The following GRID2 variants were observed in gnomAD, a reference collection of about 807,000 sequenced individuals.
GRID2 encodes the protein glutamate ionotropic receptor delta type subunit 2, also known as glutamate receptor ionotropic, delta-2.
A neutral mutation model predicts 114.8 loss-of-function variants in GRID2; 33 were observed. The observed-to-expected ratio is 0.29, with a 90% CI of 0.22 to 0.38. GRID2 has a LOEUF of 0.38. Ranked by LOEUF, GRID2 falls within the 10% of genes least tolerant of loss-of-function variation. The pLI is 1.00. For missense variants in GRID2, 1,184 were observed against 1,257.7 expected (o/e 0.94, Z 0.89); for synonymous variants, 505 against 449.9 (o/e 1.12, Z -1.55).
In GRID2 at chr4:93,311,085, CA is replaced by C. The variant is rs528842395; in HGVS notation, c.1245+72597del. ...ATAAAGATCTGGAGATGGTTCTGTT[CA>C]AGATTGCCAAGGGATGGAACTGAAT... On this transcript the variant is annotated intron_variant, in intron 8 of 15. Coordinates refer to ENST00000282020, the MANE Select transcript of GRID2 (RefSeq NM_001510.4). Among the ~76,000 whole-genome samples, 136 of 152,210 alleles carry C rather than the reference CA, an allele frequency of 8.9e-4. 3 individuals carry two copies. The highest frequency in any genetic ancestry group is 7.7e-4 in the East Asian group (4 of 5,172).
intron 2 of GRID2, among the ~76,000 whole-genome samples, chr4:92,606,552 A>G (rs545196491): frequency 5.9e-5 from 9 of 152,052 alleles, no homozygotes; most frequent in African/African-American, 2.2e-4. Flanking sequence ...AAATTGATGT[A>G]TCTCTTGATG....
At chr4:93,028,634 C>T (rs1724107321) in intron 2 of GRID2, among the ~76,000 whole-genome samples, 1 of 151,728 alleles carries the variant, frequency 6.6e-6, no homozygotes, top group Non-Finnish European at 1.5e-5. Flanking sequence ...TACAATTTTT[C>T]CATTAGATCA....
intron 2 of GRID2, among the ~76,000 whole-genome samples, chr4:93,000,319 A>T (rs1176392182): frequency 1.3e-5 from 2 of 151,678 alleles, no homozygotes; most frequent in African/African-American, 2.4e-5. Flanking sequence ...ATTTAAAATA[A>T]TCTGACATCA....
At chr4:93,188,957 T>A (rs1740705959) in intron 4 of GRID2, among the ~76,000 whole-genome samples, 1 of 152,170 alleles carries the variant, frequency 6.6e-6, no homozygotes, top group African/African-American at 2.4e-5. Context: ...ATCAATATTC[T>A]GATCACAACC....
intron 14 of GRID2, among the ~76,000 whole-genome samples, chr4:93,706,148 A>G (rs1319979404): frequency 6.6e-6 from 1 of 152,076 alleles, no homozygotes; most frequent in East Asian, 1.9e-4. Context: ...GCACCAGATG[A>G]CTTTAGCTAT....
At chr4:92,759,347 C>A (rs1487619050) in intron 2 of GRID2, among the ~76,000 whole-genome samples, 4 of 151,984 alleles carry the variant, frequency 2.6e-5, no homozygotes, top group Non-Finnish European at 5.9e-5. Context: ...TTGCTTGGGT[C>A]CTATTTTATA....
intron 2 of GRID2, among the ~76,000 whole-genome samples, chr4:92,665,480 T>C (rs1732726368): frequency 6.6e-6 from 1 of 151,270 alleles, no homozygotes; most frequent in Non-Finnish European, 1.5e-5. Flanking sequence ...GTTACAATAA[T>C]GCTAACATTA....
At chr4:93,758,804 A>G (rs376834230) in intron 14 of GRID2, among the ~76,000 whole-genome samples, 2 of 152,224 alleles carry the variant, frequency 1.3e-5, no homozygotes, top group South Asian at 2.1e-4. Context: ...AGTTTTGCAT[A>G]AGAAAAATGA....
At chr4:93,516,552 C>T (rs1192108522) in intron 13 of GRID2, among the ~76,000 whole-genome samples, 1 of 152,118 alleles carries the variant, frequency 6.6e-6, no homozygotes, top group African/African-American at 2.4e-5. Flanking sequence ...TATTATACCC[C>T]ATTTTCTGGG....
chr4:93,796,390 A>T lies in GRID2; in HGVS notation c.222-10325A>T, dbSNP rs560487069. 2.4e-4 allele frequency among the ~76,000 whole-genome samples: 36 copies of T among 152,266 alleles called. No homozygotes were observed. The South Asian group carries it at 7.0e-3, about 30-fold the overall frequency. ...TGCCTACCACAGAAGCTAATTCCAG[A>T]TAGTGAAATGGTTGCAAAGGAAATG... On this transcript the variant is annotated intron_variant, in intron 1 of 1. Coordinates refer to the GRID2 transcript ENST00000637838.
chr4:92,485,301 CATATATATATATATATAT>C lies in GRID2; in HGVS notation c.89-104800_89-104783del, dbSNP rs34583484. 2.9e-3 allele frequency among the ~76,000 whole-genome samples: 162 copies of C among 56,568 alleles called. 1 individual carries two copies. The highest frequency in any genetic ancestry group is 8.2e-3 in the African/African-American group (92 of 11,234). The allele number at this position is 56,568 out of a possible 152,430, so 37.1% of individuals were successfully genotyped here. Reference sequence around the variant, plus strand: ...TTATATATAATAAATAAGGTGTGTGCATATATATATATATATATATATATATATATATATATATATATA... The same window carrying C: ...TTATATATAATAAATAAGGTGTGTGCATATATATATATATATATATATATA... On this transcript the variant is annotated intron_variant, in intron 1 of 15. Coordinates refer to ENST00000282020, the MANE Select transcript of GRID2 (RefSeq NM_001510.4).
intron 2 of GRID2, among the ~76,000 whole-genome samples, chr4:92,704,362 C>G (rs765952337): frequency 6.6e-6 from 1 of 152,130 alleles, no homozygotes; most frequent in Non-Finnish European, 1.5e-5. Context: ...AGATTTAATT[C>G]ATTACTTCCC....
At chr4:92,398,133 T>C (rs1450075288) in intron 1 of GRID2, among the ~76,000 whole-genome samples, 2 of 152,202 alleles carry the variant, frequency 1.3e-5, no homozygotes, top group African/African-American at 4.8e-5. Context: ...AAATGTTAAA[T>C]ACATTGTGGC....
At chr4:93,650,053 G>A (rs1000568040) in intron 14 of GRID2, among the ~76,000 whole-genome samples, 1 of 151,982 alleles carries the variant, frequency 6.6e-6, no homozygotes, top group Admixed American at 6.6e-5. Context: ...GGTACTCTTG[G>A]TGCCTGCTTC....
At chr4:92,517,228 T>G (rs1724543254) in intron 1 of GRID2, among the ~76,000 whole-genome samples, 1 of 144,792 alleles carries the variant, frequency 6.9e-6, no homozygotes, top group African/African-American at 2.4e-5. Flanking sequence ...TAGCAAATAG[T>G]CCCAAAGGTA....
At position 92,430,779 on chromosome 4, in the gene GRID2, G is replaced by T. The variant is rs1206994236; in HGVS notation, c.88+126035G>T. Reference sequence around the variant, plus strand: ...TTTTTTGTGTCTTCTTCAGTTACTTGCATCAATGTTTTACAGTTTTCCTTG... The same window carrying T: ...TTTTTTGTGTCTTCTTCAGTTACTTTCATCAATGTTTTACAGTTTTCCTTG... On this transcript the variant is annotated intron_variant, in intron 1 of 15. Coordinates refer to ENST00000282020, the MANE Select transcript of GRID2 (RefSeq NM_001510.4). 2.0e-5 allele frequency among the ~76,000 whole-genome samples: 3 copies of T among 151,860 alleles called. No individual in the cohort carries two copies. The East Asian group carries it at 5.8e-4, about 29-fold the overall frequency.
At chr4:93,541,704 G>C (rs761518058) in intron 13 of GRID2, among the ~76,000 whole-genome samples, 1 of 152,128 alleles carries the variant, frequency 6.6e-6, no homozygotes, top group Middle Eastern at 3.2e-3. Flanking sequence ...TATGCAGTAC[G>C]GTTTGGGAGT....
At chr4:93,787,199 A>T (rs1349666065) in intron 1 of GRID2, among the ~76,000 whole-genome samples, 1 of 152,064 alleles carries the variant, frequency 6.6e-6, no homozygotes, top group Non-Finnish European at 1.5e-5. Flanking sequence ...AGTAGTGCAC[A>T]TCACTTCTGC....
downstream of GRID2, among the ~76,000 whole-genome samples, chr4:93,779,466 A>G (rs1734437870): frequency 6.6e-6 from 1 of 152,102 alleles, no homozygotes; most frequent in Non-Finnish European, 1.5e-5. Context: ...AGAGGGGATG[A>G]CTAGGCTGAA....
Sources: allele counts gnomAD v4.1 joint callset (sites outside exome capture counted in the v4.1 genomes callset), GRCh38; gene constraint gnomAD v4.1.1; transcripts MANE v1.5; gene names NCBI Gene and HGNC (gene_info 2026-07-23, HGNC 2026-07-21).